The following GAK variants were observed in gnomAD, a reference collection of about 807,000 sequenced individuals.
GAK encodes cyclin-G-associated kinase.
A neutral mutation model predicts 143.9 loss-of-function variants in GAK; 79 were observed. The observed-to-expected ratio is 0.55, with a 90% CI of 0.46 to 0.66. The LOEUF is 0.66. Ranked by LOEUF, GAK falls within the 30% of genes least tolerant of loss-of-function variation. The pLI is 0.00. For synonymous variants in GAK, 881 were observed against 765.5 expected, an observed-to-expected ratio of 1.15 and a Z score of -2.49; for missense variants, 1,693 against 1,779.7, an observed-to-expected ratio of 0.95 and a Z score of 0.88.
At chr4:851,228 G>A (rs1748085189) in intron 25 of GAK, 144 bp from the exon 26 acceptor site, 1 of 638,346 alleles carries the variant, frequency 1.6e-6, no homozygotes, top group Non-Finnish European at 2.6e-6. Flanking sequence ...CTCCCAAGTA[G>A]CTGGGACCAC....
At chr4:902,222 G>C (rs1271437114) in intron 5 of GAK, among the ~76,000 whole-genome samples, 1 of 149,784 alleles carries the variant, frequency 6.7e-6, no homozygotes, top group Non-Finnish European at 1.5e-5. Flanking sequence ...GGGCAACAGA[G>C]CAAGACTCCG....
chr4:866,398 C>T lies in GAK; in HGVS notation c.3009G>A (p.Pro1003=), dbSNP rs749919894. Residue 1003 remains proline (P), a synonymous_variant, in exon 22 of 28, where the codon CCG becomes CCA. Coordinates refer to ENST00000314167, the MANE Select transcript of GAK (RefSeq NM_005255.4). ...PPSFPSAHSA[P]PPSCSADFLH... is the part of the protein sequence containing the mutation. ...GGAAGTCGGCGCTGCAGGATGGGGG[C>T]GGAGCACTGTGGGCAGACGGGAAGG... 16 of 1,613,892 alleles carry T rather than the reference C, an allele frequency of 9.9e-6. No individual in the cohort carries two copies. Among genetic ancestry groups the T allele is most frequent in the Admixed American group, 8.3e-5 (5 of 60,002 alleles).
chr4:852,060 T>A (rs1194204160), intron 24 of GAK, 86 bp from the exon 25 acceptor site: 1 of 1,141,768 alleles, frequency 8.8e-7, no homozygotes, highest in Non-Finnish European at 1.3e-6. Flanking sequence ...CCACGTATAT[T>A]GGAAAACATG....
At position 896,564 on chromosome 4, in the gene GAK, A is replaced by G; in HGVS notation, c.652-15T>C. 6.3e-7 allele frequency: 1 copy of G among 1,592,742 alleles called. No homozygotes were observed. ...TTCCTCGTGATCTGAAAAAATACAA[A>G]CATTTCAAAGGAAAAGTTGCATCCC... is the stretch of plus-strand genomic sequence containing the variant. On this transcript the variant is annotated splice_polypyrimidine_tract_variant and intron_variant, in intron 6 of 27. Transcript: ENST00000314167.
chr4:913,053 GAC>G, intron 2 of GAK, among the ~76,000 whole-genome samples: 1 of 152,344 alleles, frequency 6.6e-6, no homozygotes, highest in East Asian at 1.9e-4. Context: ...AGTAAAATGA[GAC>G]AGACAAGAAG....
chr4:851,034 G>C lies in GAK; in HGVS notation c.3559C>G (p.Gln1187Glu), dbSNP rs1226169420. The part of the protein sequence containing the change: ...ENDFEDLLSN[Q>E]GFSSRSDKKG... Reference sequence around the variant, plus strand: ...TTGTCAGACCTGGAGGAGAAGCCTTGATTGGACAACAGATCTTCAAAGTCG... The same window carrying C: ...TTGTCAGACCTGGAGGAGAAGCCTTCATTGGACAACAGATCTTCAAAGTCG... Residue 1187 changes from glutamine (Q) to glutamate (E), a missense_variant, in exon 26 of 28, where the codon CAA becomes GAA. Transcript: ENST00000314167. The C allele has an allele frequency of 8.1e-6, 13 of 1,613,978 alleles. No individual in the cohort carries two copies. The Admixed American group carries it at 1.0e-4, about 12-fold the overall frequency.
Position 932,052 on chromosome 4 carries a change from G to A in GAK, c.136C>T (p.Leu46=), listed in dbSNP as rs930355544. 38 of 1,585,738 alleles carry A rather than the reference G, an allele frequency of 2.4e-5. 2 individuals are homozygous for A. In the Admixed American group the frequency reaches 5.2e-4, roughly 22 times the overall value. The stretch of plus-strand genomic sequence containing the variant: ...CGACCCGGGGCCTCACCTTCGGCCA[G>A]GACCCGCCGCACCCGCAGCCGCAGC... ...GELRLRVRRV[L]AEGGFAFVYE... The change falls in exon 1 of 28, where the codon CTG becomes TTG. Residue 46 remains leucine, a synonymous_variant. Coordinates refer to ENST00000314167, the MANE Select transcript of GAK (RefSeq NM_005255.4). The surrounding 1 kb of genome is among the most constrained non-coding windows in gnomAD (Gnocchi z 4.0).
chr4:877,557 C>A, intron 16 of GAK, 58 bp downstream of exon 16: 1 of 1,500,976 alleles, frequency 6.7e-7, no homozygotes, highest in Non-Finnish European at 9.0e-7. Context: ...TCCTCTTTAA[C>A]GGTTTTCCGG....
At chr4:931,138 T>A (rs1357240480) in intron 1 of GAK, among the ~76,000 whole-genome samples, 1 of 152,162 alleles carries the variant, frequency 6.6e-6, no homozygotes, top group African/African-American at 2.4e-5. Flanking sequence ...CAAGAGAGAA[T>A]GGGACCCACT....
chr4:918,676 T>C (rs1049188733), intron 1 of GAK, among the ~76,000 whole-genome samples: 4 of 152,192 alleles, frequency 2.6e-5, no homozygotes, highest in African/African-American at 9.7e-5. Flanking sequence ...AAAAAATATA[T>C]TAAACACAAA....
At chr4:911,436 G>A (rs912065652) in intron 4 of GAK, among the ~76,000 whole-genome samples, 4 of 152,162 alleles carry the variant, frequency 2.6e-5, no homozygotes, top group East Asian at 1.9e-4. Flanking sequence ...CTGGCTGCCC[G>A]CAGCTCCACG....
chr4:891,870 C>T (rs1717740492), intron 9 of GAK, among the ~76,000 whole-genome samples: 1 of 152,162 alleles, frequency 6.6e-6, no homozygotes, highest in African/African-American at 2.4e-5. Flanking sequence ...CCCAGGGAAG[C>T]TTGCTGAGAG....
At chr4:878,385 C>G (rs754473328) in intron 15 of GAK, among the ~76,000 whole-genome samples, 1 of 151,996 alleles carries the variant, frequency 6.6e-6, no homozygotes, top group African/African-American at 2.4e-5. Context: ...TCCACTGTGG[C>G]CTGACAGCAT....
intron 13 of GAK, 96 bp from the exon 14 acceptor site, chr4:882,915 C>T: frequency 5.4e-6 from 8 of 1,495,148 alleles, no homozygotes; most frequent in African/African-American, 1.4e-5. Flanking sequence ...GCGGGGGCCT[C>T]CGCCAGCTGG....
chr4:899,735 C>T (rs948655822), intron 5 of GAK, among the ~76,000 whole-genome samples: 1 of 152,260 alleles, frequency 6.6e-6, no homozygotes, highest in Non-Finnish European at 1.5e-5. Context: ...TGCAGACGCT[C>T]TCCAACCACA....
chr4:930,922 G>A lies in GAK; in HGVS notation c.145+1121C>T, dbSNP rs899394. Among the ~76,000 whole-genome samples the A allele has an allele frequency of 9.7e-4, 147 of 152,326 alleles. 1 individual carries two copies. Among genetic ancestry groups the A allele is most frequent in the African/African-American group, 3.4e-3 (141 of 41,570 alleles). On this transcript the variant is annotated intron_variant, in intron 1 of 27. Transcript: ENST00000314167. ...GGTCACAGAGCAGGCACCTGGACAG[G>A]CTAACCCTCCAGCCCTGAGAGGTAC...
intron 18 of GAK, among the ~76,000 whole-genome samples, chr4:871,871 A>T (rs1227300765): frequency 1.3e-5 from 2 of 152,218 alleles, no homozygotes; most frequent in Non-Finnish European, 2.9e-5. Flanking sequence ...AACTGCACTG[A>T]TAAGCCTGGG....
rs372996323 is a variant in GAK, at chr4:849,686, C to G, written c.3923G>C (p.Arg1308Pro). 2 of 1,612,376 alleles carry G rather than the reference C, an allele frequency of 1.2e-6. No homozygotes were observed. The highest frequency in any genetic ancestry group is 1.7e-6 in the Non-Finnish European group (2 of 1,179,216). Reference sequence around the variant, plus strand: ...ACCACTGCGGCCTCAGAAGAGGGGCCGGGAGCCCTGGTTCTCAAACTCCGA... The same window carrying G: ...ACCACTGCGGCCTCAGAAGAGGGGCGGGGAGCCCTGGTTCTCAAACTCCGA... ...AWSEFENQGS[R>P]PLF is the part of the protein sequence containing the mutation. Residue 1308 changes from arginine to proline, a missense_variant, in exon 28 of 28, where the codon CGG (arginine) becomes CCG (proline). By Grantham distance (103) the Arg-to-Pro change is moderately radical. Transcript: ENST00000314167.
chr4:854,147 T>C (rs1167442286), intron 24 of GAK, among the ~76,000 whole-genome samples: 1 of 151,518 alleles, frequency 6.6e-6, no homozygotes, highest in Non-Finnish European at 1.5e-5. Context: ...TTGATCATTC[T>C]TGGGTGTTTC....
Sources: gnomAD v4.1 joint callset for allele counts (sites outside exome capture counted in the v4.1 genomes callset) on GRCh38, gnomAD v4.1.1 for gene constraint, Gnocchi (gnomAD v3.1) non-coding constraint, MANE v1.5 for transcripts, NCBI Gene and HGNC (gene_info 2026-07-23, HGNC 2026-07-21) for gene names.